The following ILDR1 variants were observed in gnomAD, a reference collection of about 807,000 sequenced individuals.
ILDR1 encodes the protein immunoglobulin like domain containing receptor 1, also known as immunoglobulin-like domain-containing receptor 1.
Under a neutral mutation model 62.4 loss-of-function variants are expected in ILDR1, and 56 were observed. The ratio of observed to expected loss-of-function variants is 0.90; its 90% confidence interval spans 0.72 to 1.12. The LOEUF (loss-of-function observed/expected upper bound fraction) is 1.12. Among genes scored for constraint, ILDR1 ranks in the 50% most tolerant of loss-of-function variants. The probability of loss-of-function intolerance (pLI) is 0.00; values close to 1 mark genes in which losing one functional copy is unlikely to be tolerated. For synonymous variants in ILDR1, 284 were observed against 277.8 expected, an observed-to-expected ratio of 1.02 and a Z score of -0.22; for missense variants, 736 against 710.6, an observed-to-expected ratio of 1.04 and a Z score of -0.41.
chr3:122,038,207 C>T, the ILDR1 span, among the ~76,000 whole-genome samples: 1 of 152,184 alleles, frequency 6.6e-6, no homozygotes. Flanking sequence ...CATAACCACT[C>T]TAATAAACCA....
the ILDR1 span, among the ~76,000 whole-genome samples, chr3:122,034,938 T>G: frequency 6.6e-6 from 1 of 152,166 alleles, no homozygotes; most frequent in African/African-American, 2.4e-5. Context: ...CCTGCCCCCA[T>G]GATTCAGTCA....
chr3:122,019,937 A>G (rs934790361), intron 1 of ILDR1, among the ~76,000 whole-genome samples: 2 of 152,156 alleles, frequency 1.3e-5, no homozygotes, highest in African/African-American at 2.4e-5. Context: ...CCACCCAACA[A>G]TAGTTGGCCT....
chr3:122,031,015 C>T, the ILDR1 span, among the ~76,000 whole-genome samples: 1 of 152,212 alleles, frequency 6.6e-6, no homozygotes, highest in Non-Finnish European at 1.5e-5. Context: ...TGCTAACTTT[C>T]TCTTTTTCGT....
chr3:122,014,686 A>C (rs559292492), intron 1 of ILDR1, among the ~76,000 whole-genome samples: 29 of 152,250 alleles, frequency 1.9e-4, no homozygotes, highest in South Asian at 4.1e-4. Context: ...TCAGGAAAGA[A>C]ATGTATATTC....
chr3:122,026,662 G>A (rs760898440), upstream of ILDR1, among the ~76,000 whole-genome samples: 1 of 152,202 alleles, frequency 6.6e-6, no homozygotes, highest in African/African-American at 2.4e-5. Context: ...GGAAGTCTGG[G>A]TCGGCAGGGA....
chr3:122,000,863 C>T (rs1038326934), intron 5 of ILDR1, among the ~76,000 whole-genome samples: 4 of 152,218 alleles, frequency 2.6e-5, no homozygotes, highest in Non-Finnish European at 5.9e-5. Flanking sequence ...GGAAAACACA[C>T]ACACACTTGG....
the ILDR1 span, among the ~76,000 whole-genome samples, chr3:122,046,521 C>G: frequency 0.45 from 62,327 of 138,968 alleles, 14,903 homozygotes; most frequent in East Asian, 0.73. Context: ...TGTTTTCCAA[C>G]TTGGTTCCAT....
At chr3:121,998,893 C>T (rs1300319035) in intron 5 of ILDR1, among the ~76,000 whole-genome samples, 1 of 152,194 alleles carries the variant, frequency 6.6e-6, no homozygotes, top group East Asian at 1.9e-4. Context: ...CAGACTCTCA[C>T]AAGTCAGATG....
chr3:122,042,187 A>G, the ILDR1 span, among the ~76,000 whole-genome samples: 5,610 of 80,472 alleles, frequency 0.07, 196 homozygotes, highest in African/African-American at 0.08. Flanking sequence ...TGTTCTTGCG[A>G]TAGTTTACTG....
chr3:122,044,709 G>A, the ILDR1 span, among the ~76,000 whole-genome samples: 1 of 151,116 alleles, frequency 6.6e-6, no homozygotes, highest in Non-Finnish European at 1.5e-5. Flanking sequence ...TTGCGTAGAG[G>A]TGTTTGTAGT....
chr3:122,026,130 T>C (rs1020782522), upstream of ILDR1, among the ~76,000 whole-genome samples: 3 of 152,204 alleles, frequency 2.0e-5, no homozygotes, highest in African/African-American at 4.8e-5. Context: ...AGAGTCTGTA[T>C]GACCAGCTGG....
intron 5 of ILDR1, 92 bp downstream of exon 5, chr3:122,001,216 G>A: frequency 7.1e-7 from 1 of 1,415,602 alleles, no homozygotes; most frequent in Non-Finnish European, 9.9e-7. Flanking sequence ...AGGAGAACCT[G>A]GAAGAATCTT....
intron 7 of ILDR1, 135 bp downstream of exon 7, chr3:121,993,015 G>A: frequency 1.3e-6 from 1 of 755,068 alleles, no homozygotes. Flanking sequence ...CTAGCCCACA[G>A]TGTAATTTGG....
chr3:121,995,090 A>C (rs1205250713), intron 5 of ILDR1, among the ~76,000 whole-genome samples: 1 of 152,226 alleles, frequency 6.6e-6, no homozygotes, highest in Admixed American at 6.5e-5. Flanking sequence ...ATGTCACTCC[A>C]GCCCCTTAGG....
At position 122,005,334 on chromosome 3, in the gene ILDR1, G is replaced by T. The variant is rs1291201509; in HGVS notation, c.289C>A (p.Arg97=). 4 of 1,613,950 alleles carry T rather than the reference G, an allele frequency of 2.5e-6. No homozygotes were observed. The highest frequency in any genetic ancestry group is 8.5e-7 in the Non-Finnish European group (1 of 1,179,988). The change falls in exon 3 of 8, where the codon CGG becomes AGG. Residue 97 remains arginine (R), a synonymous_variant. Coordinates refer to ENST00000344209, the MANE Select transcript of ILDR1 (RefSeq NM_001199799.2). ...CGCTGGGCCACTATGCGAACTTCCC[G>T]CTGGTTGTCGTTGCAGTCATTGGAT... ...DPSNDCNDNQ[R]EVRIVAQRRG...
At chr3:122,009,096 A>T (rs1273702343) in intron 1 of ILDR1, among the ~76,000 whole-genome samples, 2 of 151,164 alleles carry the variant, frequency 1.3e-5, no homozygotes, top group Admixed American at 6.6e-5. Flanking sequence ...ACCATGCCTG[A>T]CTTTTTAAAT....
chr3:122,028,063 C>T, the ILDR1 span, among the ~76,000 whole-genome samples: 1 of 151,828 alleles, frequency 6.6e-6, no homozygotes, highest in South Asian at 2.1e-4. Context: ...CGCGGTGGCT[C>T]ACGCCTGTAA....
At chr3:122,020,089 T>C (rs1576738547) in intron 1 of ILDR1, among the ~76,000 whole-genome samples, 1 of 152,310 alleles carries the variant, frequency 6.6e-6, no homozygotes, top group East Asian at 1.9e-4. Flanking sequence ...TTACTATAGC[T>C]CACATTTCTT....
Position 121,988,410 on chromosome 3 carries a change from T to C in ILDR1, c.1600-2A>G, listed in dbSNP as rs1261355643. 1 of 1,612,860 alleles carries C rather than the reference T, an allele frequency of 6.2e-7. No homozygotes were observed. On this transcript the variant is annotated splice_acceptor_variant, in intron 7 of 7. Coordinates refer to ENST00000344209, the MANE Select transcript of ILDR1 (RefSeq NM_001199799.2). LOFTEE classifies it high-confidence loss of function. ...TCCACTATGAGAGCTGTCTTTCTCC[T>C]GGGAAATAGAAGAATACACACACAA...
Sources: gnomAD v4.1 joint callset for allele counts (sites outside exome capture counted in the v4.1 genomes callset) on GRCh38, gnomAD v4.1.1 for gene constraint, MANE v1.5 for transcripts, NCBI Gene and HGNC (gene_info 2026-07-23, HGNC 2026-07-21) for gene names.